GABRA1: variants seen among roughly 807,000 people sequenced by gnomAD.
GABRA1 encodes the protein gamma-aminobutyric acid receptor subunit alpha-1.
In GABRA1, 9 loss-of-function variants were observed where a neutral mutation model predicts 48.9. The observed-to-expected ratio is 0.18, with a 90% confidence interval of 0.11 to 0.32. The LOEUF is 0.32. GABRA1 is among the 10% of genes least tolerant of loss of function. GABRA1 has a pLI of 1.00. For missense variants in GABRA1, 285 were observed against 553.8 expected, an observed-to-expected ratio of 0.51 and a Z score of 4.87; for synonymous variants, 210 against 198.7, an observed-to-expected ratio of 1.06 and a Z score of -0.48.
chr5:161,890,791 G>A, intron 7 of GABRA1, 107 bp from the exon 8 acceptor site: 1 of 1,003,512 alleles, frequency 1.0e-6, no homozygotes, highest in Non-Finnish European at 1.6e-6. Context: ...GTCACATGGA[G>A]AAAGGATGTG....
intron 7 of GABRA1, 67 bp from the exon 8 acceptor site, chr5:161,890,831 T>A: frequency 7.0e-7 from 1 of 1,433,560 alleles, no homozygotes; most frequent in South Asian, 1.1e-5. Flanking sequence ...GTACTCATAG[T>A]AAACCTCAGA....
intron 6 of GABRA1, among the ~76,000 whole-genome samples, chr5:161,880,912 G>A (rs1025982960): frequency 6.6e-6 from 1 of 152,200 alleles, no homozygotes; most frequent in African/African-American, 2.4e-5. Flanking sequence ...TTTAAGTGGG[G>A]ATTGGGTCAA....
At chr5:161,848,518 C>CGGGGGGGGGGGGGGGGG (rs1757302283) in intron 1 of GABRA1, 96 bp downstream of exon 1, 1 of 12,034 alleles carries the variant, frequency 8.3e-5, no homozygotes, top group African/African-American at 4.8e-4. Context: ...GGGGGGGGGG[C>CGGGGGGGGGGGGGGGGG]GGGGGGAGAC....
rs1331489225 is a variant in GABRA1 at position 161,891,175 on chromosome 5, G to A, written c.856+125G>A. On this transcript the variant is annotated intron_variant, in intron 8 of 9. Transcript: ENST00000393943. ...AAATATTAAGTTCATATAACAGAAA[G>A]TTTCAAGGAATTGCCACTCTCATTA... 3 of 928,436 alleles carry A rather than the reference G, an allele frequency of 3.2e-6. No individual in the cohort carries two copies. In the African/African-American group the frequency reaches 4.9e-5, roughly 15 times the overall value. 57.5% of individuals were successfully genotyped at this position (928,436 alleles called of 1,614,324 possible). A position where few individuals can be genotyped will look rare whatever the true frequency, so the allele number is the denominator to read the frequency against.
At chr5:161,882,232 C>T in intron 6 of GABRA1, 1 of 370,932 alleles carries the variant, frequency 2.7e-6, no homozygotes, top group Non-Finnish European at 5.1e-6. Flanking sequence ...TACGTATTTG[C>T]TTATATGTTT....
intron 3 of GABRA1, among the ~76,000 whole-genome samples, chr5:161,854,563 T>G (rs1182753081): frequency 6.6e-6 from 1 of 151,732 alleles, no homozygotes; most frequent in Non-Finnish European, 1.5e-5. Context: ...AAAACTGGGA[T>G]AATATTCTAT....
chr5:161,896,024 G>A (rs1449084924), intron 9 of GABRA1, among the ~76,000 whole-genome samples, 156 bp downstream of exon 9: 1 of 152,072 alleles, frequency 6.6e-6, no homozygotes, highest in East Asian at 1.9e-4. Flanking sequence ...TGATAATTTT[G>A]TTATTGATAA....
chr5:161,847,358 G>C (rs758048771), upstream of GABRA1: 2 of 152,110 alleles, frequency 1.3e-5, no homozygotes, highest in African/African-American at 4.8e-5. Flanking sequence ...AGAAATGATC[G>C]GAGTGATTTA....
chr5:161,886,916 A>C lies in GABRA1; in HGVS notation c.704-3982A>C, dbSNP rs143659706. Among the ~76,000 whole-genome samples, 537 of 152,290 alleles carry C rather than the reference A, an allele frequency of 3.5e-3. 5 individuals are homozygous for C. The highest frequency in any genetic ancestry group is 0.012 in the African/African-American group (513 of 41,566). ...CCTTGTCTCTTCCCACCCTCACCAC[A>C]TTATGCTTTCTAAGTAAGTCTTCAA... On this transcript the variant is annotated intron_variant, in intron 7 of 9. Coordinates refer to ENST00000393943, the MANE Select transcript of GABRA1 (RefSeq NM_001127644.2).
rs151163857 is a variant in GABRA1 at position 161,870,631 on chromosome 5, C to CAGAA, written c.256-2468_256-2465dup. On this transcript the variant is annotated intron_variant, in intron 4 of 9. Coordinates refer to ENST00000393943, the MANE Select transcript of GABRA1 (RefSeq NM_001127644.2). ...AAAGGAAGAAAGAAAGACAGACAGA[C>CAGAA]AGAAAGAAAGAAAGAAAGAAAAAGA... Among the ~76,000 whole-genome samples the CAGAA allele has an allele frequency of 2.3e-3, 343 of 147,792 alleles. 1 individual carries two copies. Among genetic ancestry groups the CAGAA allele is most frequent in the African/African-American group, 6.9e-3 (277 of 40,314 alleles).
chr5:161,867,608 AG>A (rs1328311547), intron 4 of GABRA1, among the ~76,000 whole-genome samples: 1 of 152,130 alleles, frequency 6.6e-6, no homozygotes, highest in Admixed American at 6.6e-5. Flanking sequence ...GTGCAAATAA[AG>A]TGTCTATCAA....
intron 3 of GABRA1, among the ~76,000 whole-genome samples, 180 bp downstream of exon 3, chr5:161,854,450 G>A (rs974368203): frequency 1.8e-4 from 27 of 151,712 alleles, no homozygotes; most frequent in African/African-American, 5.3e-4. Context: ...ATATCCATAC[G>A]TAGTAAAAGG....
intron 3 of GABRA1, among the ~76,000 whole-genome samples, chr5:161,861,835 G>A (rs975032006): frequency 6.6e-6 from 1 of 151,802 alleles, no homozygotes; most frequent in African/African-American, 2.4e-5. Context: ...AGGGTTTTCA[G>A]ATACATTTTA....
chr5:161,862,598 C>T (rs1227538512), intron 3 of GABRA1, among the ~76,000 whole-genome samples: 4 of 151,866 alleles, frequency 2.6e-5, no homozygotes, highest in South Asian at 2.1e-4. Flanking sequence ...ATCCCCTAAT[C>T]GACCTAAAAT....
At chr5:161,867,257 C>T (rs982653717) in intron 4 of GABRA1, among the ~76,000 whole-genome samples, 1 of 152,264 alleles carries the variant, frequency 6.6e-6, no homozygotes, top group Non-Finnish European at 1.5e-5. Context: ...ACACTATTCT[C>T]TCATGGTACT....
rs554517252 is a variant in GABRA1, at chr5:161,891,759, TA to T, written c.856+714del. Among the ~76,000 whole-genome samples, 645 of 152,282 alleles carry T rather than the reference TA, an allele frequency of 4.2e-3. 2 individuals carry two copies. Among genetic ancestry groups the T allele is most frequent in the African/African-American group, 0.014 (595 of 41,572 alleles). ...ATTTCAACTGTATTTTTCAGGCTGA[TA>T]AAAATGAAAGATTCCAATACAATAT... On this transcript the variant is annotated intron_variant, in intron 8 of 9. Transcript: ENST00000393943.
chr5:161,873,782 A>G (rs1233970238), intron 5 of GABRA1, among the ~76,000 whole-genome samples: 4 of 152,190 alleles, frequency 2.6e-5, no homozygotes, highest in Non-Finnish European at 5.9e-5. Context: ...TTTAAGAAGT[A>G]TTTGAATTCA....
At chr5:161,860,442 A>G (rs1191651749) in intron 3 of GABRA1, among the ~76,000 whole-genome samples, 2 of 146,462 alleles carry the variant, frequency 1.4e-5, no homozygotes, top group Non-Finnish European at 3.0e-5. Context: ...AATTAAACCC[A>G]TGGAGACAGA....
chr5:161,896,861 A>C (rs1023645982), intron 9 of GABRA1, among the ~76,000 whole-genome samples: 1 of 152,222 alleles, frequency 6.6e-6, no homozygotes, highest in Non-Finnish European at 1.5e-5. Context: ...TTAGATAAGA[A>C]AATCCTCTGT....
Sources: allele counts gnomAD v4.1 joint callset (sites outside exome capture counted in the v4.1 genomes callset), GRCh38; gene constraint gnomAD v4.1.1; transcripts MANE v1.5; gene names NCBI Gene and HGNC (gene_info 2026-07-23, HGNC 2026-07-21).